SLC24A2: variants seen among roughly 807,000 people sequenced by gnomAD.
SLC24A2 encodes solute carrier family 24 member 2.
In SLC24A2, 36 loss-of-function variants were observed where a neutral mutation model predicts 62.0. That is an observed-to-expected ratio of 0.58 (90% CI 0.44 to 0.77). SLC24A2 has a LOEUF of 0.77. Ranked by LOEUF, SLC24A2 falls within the 30% of genes least tolerant of loss-of-function variation. The probability of loss-of-function intolerance (pLI) is 0.00; values close to 1 mark genes in which losing one functional copy is unlikely to be tolerated. For synonymous variants in SLC24A2, 358 were observed against 294.0 expected (o/e 1.22, Z -2.23); for missense variants, 846 against 817.9 (o/e 1.03, Z -0.42).
chr9:20,129,926 A>G, the SLC24A2 span, among the ~76,000 whole-genome samples: 1 of 48,038 alleles, frequency 2.1e-5, no homozygotes, highest in African/African-American at 5.7e-5. Flanking sequence ...TGTATAATTT[A>G]CTACACACAC....
chr9:20,298,379 C>A, the SLC24A2 span, among the ~76,000 whole-genome samples: 814 of 152,314 alleles, frequency 5.3e-3, 12 homozygotes, highest in African/African-American at 0.018. Flanking sequence ...CAGGCACGCG[C>A]CACCATGCCC....
the SLC24A2 span, among the ~76,000 whole-genome samples, chr9:19,983,718 T>C: frequency 7.2e-5 from 11 of 152,084 alleles, no homozygotes; most frequent in African/African-American, 2.4e-4. Flanking sequence ...AAGAAAATAA[T>C]TGCATTTACA....
the SLC24A2 span, among the ~76,000 whole-genome samples, chr9:20,132,399 G>A: frequency 6.6e-6 from 1 of 152,100 alleles, no homozygotes; most frequent in Non-Finnish European, 1.5e-5. Context: ...AGAAATGCAA[G>A]TAAAACCTTT....
At chr9:19,965,248 A>G in the SLC24A2 span, among the ~76,000 whole-genome samples, 3 of 152,122 alleles carry the variant, frequency 2.0e-5, no homozygotes, top group African/African-American at 7.2e-5. Flanking sequence ...ATGAAGGCAG[A>G]CCGCAGCACT....
the SLC24A2 span, among the ~76,000 whole-genome samples, chr9:20,175,954 T>C: frequency 6.6e-6 from 1 of 151,900 alleles, no homozygotes; most frequent in African/African-American, 2.4e-5. Context: ...GAAGAGATCA[T>C]GGAGAGGGTG....
At chr9:19,588,680 G>A (rs1449928677) in intron 5 of SLC24A2, among the ~76,000 whole-genome samples, 2 of 152,164 alleles carry the variant, frequency 1.3e-5, no homozygotes, top group Non-Finnish European at 2.9e-5. Context: ...GCCATCTGAG[G>A]CCCCGCGTGG....
At position 19,748,483 on chromosome 9, in the gene SLC24A2, G is replaced by A. The variant is rs1387105319; in HGVS notation, c.930+37454C>T. The stretch of plus-strand genomic sequence containing the variant: ...ATTGTTGAGTCACCATTGTGAGCAC[G>A]TTTAATGAAAGATCTGTGAGTCACA... On this transcript the variant is annotated intron_variant, in intron 2 of 10. Coordinates refer to ENST00000341998, the MANE Select transcript of SLC24A2 (RefSeq NM_020344.4). 4.6e-5 allele frequency among the ~76,000 whole-genome samples: 7 copies of A among 152,138 alleles called. No homozygotes were observed. In the South Asian group the frequency reaches 1.0e-3, roughly 22 times the overall value.
rs1194993864 is a variant in SLC24A2 at position 19,508,924 on chromosome 9, G to C, written c.*7229C>G. 6.6e-6 allele frequency: 1 copy of C among 152,186 alleles called. No homozygotes were observed. The highest frequency in any genetic ancestry group is 6.5e-5 in the Admixed American group (1 of 15,276). The allele number at this position is 152,186 out of a possible 1,614,324, so 9.4% of individuals were successfully genotyped here. On this transcript the variant is annotated 3_prime_UTR_variant, in exon 11 of 11. Coordinates refer to ENST00000341998, the MANE Select transcript of SLC24A2 (RefSeq NM_020344.4). ...GTTAGAAATTGTGTATTTTAGCGGAGAGGAGGAAAATAACCACCAAAGCAT... is the reference window on the plus strand; with the variant it reads ...GTTAGAAATTGTGTATTTTAGCGGACAGGAGGAAAATAACCACCAAAGCAT...
chr9:19,586,042 G>A (rs1456093520), intron 5 of SLC24A2, among the ~76,000 whole-genome samples: 1 of 152,142 alleles, frequency 6.6e-6, no homozygotes, highest in Non-Finnish European at 1.5e-5. Context: ...ACAAGGCTTG[G>A]AATTCTCCAC....
intron 2 of SLC24A2, among the ~76,000 whole-genome samples, chr9:19,678,272 T>A (rs1324137690): frequency 6.6e-6 from 1 of 152,194 alleles, no homozygotes. Flanking sequence ...CACCCAACAA[T>A]CTAGTTTGTG....
At chr9:19,908,783 T>A in the SLC24A2 span, among the ~76,000 whole-genome samples, 1 of 152,204 alleles carries the variant, frequency 6.6e-6, no homozygotes, top group Non-Finnish European at 1.5e-5. Context: ...CACACTGAGA[T>A]ACCATCTCAT....
chr9:20,101,572 C>T, the SLC24A2 span, among the ~76,000 whole-genome samples: 1 of 152,056 alleles, frequency 6.6e-6, no homozygotes, highest in Non-Finnish European at 1.5e-5. Flanking sequence ...CCCACCCATA[C>T]CTCTTGGAAG....
chr9:20,015,809 T>C, the SLC24A2 span, among the ~76,000 whole-genome samples: 1 of 152,246 alleles, frequency 6.6e-6, no homozygotes, highest in Non-Finnish European at 1.5e-5. Flanking sequence ...TTTTTAAATG[T>C]GGGCTTCTTG....
the SLC24A2 span, among the ~76,000 whole-genome samples, chr9:20,236,128 T>C: frequency 6.6e-6 from 1 of 152,192 alleles, no homozygotes; most frequent in South Asian, 2.1e-4. Context: ...AAAGTATCTA[T>C]CAGCAGCAGT....
the SLC24A2 span, chr9:19,927,632 C>T: frequency 6.6e-6 from 1 of 152,212 alleles, no homozygotes; most frequent in Admixed American, 6.6e-5. Context: ...AATTCCCCCA[C>T]CCCCCACGTA....
chr9:20,275,590 A>G, the SLC24A2 span, among the ~76,000 whole-genome samples: 2 of 152,246 alleles, frequency 1.3e-5, no homozygotes, highest in African/African-American at 4.8e-5. Flanking sequence ...TCATGTCTCT[A>G]TATCCAGGGC....
chr9:20,225,033 G>C, the SLC24A2 span, among the ~76,000 whole-genome samples: 1 of 152,164 alleles, frequency 6.6e-6, no homozygotes, highest in South Asian at 2.1e-4. Context: ...AGACCTCAGA[G>C]GAAACCACAT....
At chr9:19,593,107 A>C (rs1836604636) in intron 5 of SLC24A2, among the ~76,000 whole-genome samples, 1 of 152,232 alleles carries the variant, frequency 6.6e-6, no homozygotes, top group South Asian at 2.1e-4. Flanking sequence ...ATGGCAGTGG[A>C]GACATCGCCT....
At chr9:20,238,608 T>C in the SLC24A2 span, among the ~76,000 whole-genome samples, 1 of 152,162 alleles carries the variant, frequency 6.6e-6, no homozygotes, top group Admixed American at 6.5e-5. Flanking sequence ...AAATGGAAGT[T>C]CCCAGTCAAT....
Sources: allele counts gnomAD v4.1 joint callset (sites outside exome capture counted in the v4.1 genomes callset), GRCh38; gene constraint gnomAD v4.1.1; transcripts MANE v1.5; gene names NCBI Gene and HGNC (gene_info 2026-07-23, HGNC 2026-07-21).